SNTB2: variants seen among roughly 807,000 people sequenced by gnomAD.
SNTB2 encodes the protein beta-2-syntrophin.
Under a neutral mutation model 46.2 loss-of-function variants are expected in SNTB2, and 34 were observed. The ratio of observed to expected loss-of-function variants is 0.74; its 90% CI spans 0.56 to 0.98. The LOEUF (loss-of-function observed/expected upper bound fraction) is 0.98. Among genes scored for constraint, SNTB2 ranks in the 50% least tolerant of loss-of-function variants. The pLI is 0.00. For synonymous variants in SNTB2, 290 were observed against 312.6 expected (o/e 0.93, Z 0.76); for missense variants, 603 against 731.4 (o/e 0.82, Z 2.02).
At chr16:69,228,525 A>T (rs1320925052) in intron 1 of SNTB2, among the ~76,000 whole-genome samples, 1 of 151,650 alleles carries the variant, frequency 6.6e-6, no homozygotes, top group Non-Finnish European at 1.5e-5. Context: ...AAAAAAAAAA[A>T]AAGAATTTCA....
At chr16:69,281,393 G>A (rs546120600) in intron 4 of SNTB2, among the ~76,000 whole-genome samples, 1 of 151,884 alleles carries the variant, frequency 6.6e-6, no homozygotes, top group South Asian at 2.1e-4. Flanking sequence ...CACCATCCCA[G>A]GCTAATTTTT....
chr16:69,192,424 T>C (rs1043117773), intron 1 of SNTB2, among the ~76,000 whole-genome samples: 4 of 152,222 alleles, frequency 2.6e-5, no homozygotes, highest in African/African-American at 9.7e-5. Flanking sequence ...TGAAATAATT[T>C]GGAGAGTGTT....
At chr16:69,266,946 C>T (rs1304213989) in intron 3 of SNTB2, among the ~76,000 whole-genome samples, 2 of 152,002 alleles carry the variant, frequency 1.3e-5, no homozygotes, top group Admixed American at 6.6e-5. Flanking sequence ...GATCTGCCCA[C>T]TTGGGCCTCC....
chr16:69,265,121 C>T (rs953333737), intron 3 of SNTB2, among the ~76,000 whole-genome samples: 99 of 151,976 alleles, frequency 6.5e-4, no homozygotes, highest in African/African-American at 2.1e-3. Context: ...TGGTGGCGGG[C>T]GCCTGTACTC....
At chr16:69,298,973 C>G (rs928336474) in intron 5 of SNTB2, among the ~76,000 whole-genome samples, 1 of 152,286 alleles carries the variant, frequency 6.6e-6, no homozygotes, top group East Asian at 1.9e-4. Context: ...AATGAGTTTA[C>G]AAAGTCCTTG....
intron 1 of SNTB2, among the ~76,000 whole-genome samples, chr16:69,223,307 C>G (rs1041348227): frequency 1.3e-5 from 2 of 151,786 alleles, no homozygotes; most frequent in African/African-American, 2.4e-5. Flanking sequence ...ATTCTCCTGC[C>G]TCAGCCTCCC....
intron 2 of SNTB2, among the ~76,000 whole-genome samples, chr16:69,258,661 GAGTGCAGT>G (rs1393861818): frequency 2.7e-4 from 39 of 145,538 alleles, no homozygotes. Flanking sequence ...GCCCAGGCTG[GAGTGCAGT>G]GGTGCAATCT....
In SNTB2 at chr16:69,214,778, C is replaced by T. The variant is rs147946464; in HGVS notation, c.580+27032C>T. 3.8e-3 allele frequency among the ~76,000 whole-genome samples: 578 copies of T among 152,032 alleles called. 3 individuals carry two copies. The highest frequency in any genetic ancestry group is 0.013 in the African/African-American group (550 of 41,448). On this transcript the variant is annotated intron_variant, in intron 1 of 6. Coordinates refer to ENST00000336278, the MANE Select transcript of SNTB2 (RefSeq NM_006750.4). Reference sequence around the variant, plus strand: ...CTGACCTCAGGTGATCCACCCATCTCAGCCTCCCACAGTGCTGGGATTACA... The same window carrying T: ...CTGACCTCAGGTGATCCACCCATCTTAGCCTCCCACAGTGCTGGGATTACA...
Position 69,260,125 on chromosome 16 carries a change from C to T in SNTB2, c.870C>T (p.Ser290=), listed in dbSNP as rs773705046. The part of the protein sequence containing the change: ...LRCKDTATAH[S]WFVAIHTNIM... ...GCAAAGATACAGCCACAGCACACTC[C>T]TGGTTCGTAGCTATCCACACCAACA... Residue 290 remains serine (S), a synonymous_variant, in exon 3 of 7, where the codon TCC becomes TCT. Coordinates refer to ENST00000336278, the MANE Select transcript of SNTB2 (RefSeq NM_006750.4). 1 of 1,614,100 alleles carries T rather than the reference C, an allele frequency of 6.2e-7. No homozygotes were observed.
intron 1 of SNTB2, chr16:69,235,810 T>G: frequency 7.8e-7 from 1 of 1,289,356 alleles, no homozygotes; most frequent in Non-Finnish European, 1.0e-6. Context: ...TGTACTAAGT[T>G]TCTTCAAATA....
intron 5 of SNTB2, among the ~76,000 whole-genome samples, chr16:69,286,903 G>A (rs893447792): frequency 2.0e-5 from 3 of 151,818 alleles, no homozygotes; most frequent in African/African-American, 7.3e-5. Context: ...AATAATGTAA[G>A]GACTCATTTA....
At chr16:69,192,245 G>A (rs1964062351) in intron 1 of SNTB2, among the ~76,000 whole-genome samples, 1 of 152,148 alleles carries the variant, frequency 6.6e-6, no homozygotes, top group Non-Finnish European at 1.5e-5. Context: ...GGAATAGAGA[G>A]GAGGATTCAA....
intron 3 of SNTB2, among the ~76,000 whole-genome samples, chr16:69,269,162 T>C (rs1289788940): frequency 6.7e-6 from 1 of 150,292 alleles, no homozygotes; most frequent in Non-Finnish European, 1.5e-5. Context: ...AGAGCGAAAC[T>C]CCGTCTCAAA....
chr16:69,242,731 G>T (rs535769521), intron 1 of SNTB2, among the ~76,000 whole-genome samples: 2 of 152,230 alleles, frequency 1.3e-5, no homozygotes, highest in African/African-American at 2.4e-5. Context: ...CAGTAAAAGG[G>T]ATACGTGAGG....
At chr16:69,235,787 G>T (rs1964554052) in intron 1 of SNTB2, 30 of 1,289,192 alleles carry the variant, frequency 2.3e-5, no homozygotes, top group Non-Finnish European at 3.0e-5. Flanking sequence ...AATATCAGGG[G>T]CACATCAGCT....
intron 5 of SNTB2, among the ~76,000 whole-genome samples, chr16:69,291,500 C>T (rs1390565677): frequency 6.6e-6 from 1 of 152,146 alleles, no homozygotes; most frequent in East Asian, 1.9e-4. Flanking sequence ...TTACTTGACA[C>T]CAGAGTTCGA....
chr16:69,258,544 T>C (rs1481480645), intron 2 of SNTB2, among the ~76,000 whole-genome samples: 3 of 151,686 alleles, frequency 2.0e-5, no homozygotes, highest in Admixed American at 2.0e-4. Context: ...CATATAAAAG[T>C]ACCCAAACAC....
chr16:69,259,928 G>C lies in SNTB2; in HGVS notation c.795-122G>C, dbSNP rs569983749. 7.3e-5 allele frequency: 59 copies of C among 803,370 alleles called. 1 individual carries two copies. In the South Asian group the frequency reaches 8.6e-4, roughly 12 times the overall value. The allele number at this position is 803,370 out of a possible 1,614,324, so 49.8% of individuals were successfully genotyped here. On this transcript the variant is annotated intron_variant, in intron 2 of 6. Coordinates refer to ENST00000336278, the MANE Select transcript of SNTB2 (RefSeq NM_006750.4). ...CCCAGCCAAGAAAGTATCTTTATTT[G>C]AGTATACAAATTTATTTGAAGAATG...
chr16:69,297,523 C>T (rs1157633999), intron 5 of SNTB2, among the ~76,000 whole-genome samples: 1 of 150,986 alleles, frequency 6.6e-6, no homozygotes, highest in Non-Finnish European at 1.5e-5. Flanking sequence ...GAGGTTGAGG[C>T]GGGAGAATTG....
Sources: allele counts gnomAD v4.1 joint callset (sites outside exome capture counted in the v4.1 genomes callset), GRCh38; gene constraint gnomAD v4.1.1; transcripts MANE v1.5; gene names NCBI Gene and HGNC (gene_info 2026-07-23, HGNC 2026-07-21).